Variants in BRAT1 observed in about 807,000 individuals in gnomAD.
BRAT1 encodes integrator complex assembly factor BRAT1.
Under a neutral mutation model 70.6 loss-of-function variants are expected in BRAT1, and 74 were observed. That is an observed-to-expected ratio of 1.05 (90% CI 0.87 to 1.27). The LOEUF (loss-of-function observed/expected upper bound fraction) is 1.27, where lower values mean the gene tolerates loss of function less well. Among genes scored for constraint, BRAT1 ranks in the 50% most tolerant of loss-of-function variants. The probability of loss-of-function intolerance (pLI) is 0.00; values close to 1 mark genes in which losing one functional copy is unlikely to be tolerated. For synonymous variants in BRAT1, 615 were observed against 517.1 expected (o/e 1.19, Z -2.57); for missense variants, 1,203 against 1,098.2 (o/e 1.10, Z -1.35).
intron 2 of BRAT1, 92 bp downstream of exon 2, chr7:2,554,213 G>C: frequency 6.5e-7 from 1 of 1,527,538 alleles, no homozygotes; most frequent in Non-Finnish European, 8.9e-7. Context: ...CTTCCTCCAG[G>C]ACAGGGGAGT....
chr7:2,551,282 G>A (rs142520696), intron 2 of BRAT1, among the ~76,000 whole-genome samples: 53 of 149,078 alleles, frequency 3.6e-4, no homozygotes, highest in African/African-American at 1.1e-3. Flanking sequence ...TCTATATATA[G>A]ATATATATAT....
chr7:2,545,155 G>A, intron 3 of BRAT1, 99 bp from the exon 4 acceptor site: 1 of 1,321,850 alleles, frequency 7.6e-7, no homozygotes, highest in East Asian at 2.8e-5. Context: ...CACGAGGTCA[G>A]GAGTTCGAGA....
intron 13 of BRAT1, 48 bp downstream of exon 13, chr7:2,539,131 A>G: frequency 6.4e-7 from 1 of 1,556,586 alleles, no homozygotes; most frequent in South Asian, 1.2e-5. Context: ...ACGAGCACAC[A>G]CGATGGCCAG....
Position 2,543,786 on chromosome 7 carries a change from C to T in BRAT1, c.607G>A (p.Glu203Lys). ...ACAQKIMDHVEESLCSAATPK... is the reference protein window; with the variant it reads ...ACAQKIMDHVKESLCSAATPK... ...GTGGCCGCGGAGCACAAGGACTCTT[C>T]AACGTGATCCATGATCTTCTGGGCA... is the stretch of plus-strand genomic sequence containing the variant. Residue 203 changes from glutamate to lysine, a missense_variant, in exon 5 of 14, where the codon GAA becomes AAA. By Grantham distance (56) the Glu-to-Lys change is moderately conservative. Coordinates refer to ENST00000340611, the MANE Select transcript of BRAT1 (RefSeq NM_152743.4). The surrounding 1 kb of genome is among the most constrained non-coding windows in gnomAD (Gnocchi z 5.5). The T allele has an allele frequency of 6.2e-7, 1 of 1,612,798 alleles. No homozygotes were observed. Among genetic ancestry groups the T allele is most frequent in the South Asian group, 1.1e-5 (1 of 91,016 alleles).
rs1446113663 is a variant in BRAT1 at position 2,542,124 on chromosome 7, G to A, written c.1011C>T (p.Pro337=). ...VLKATVQAPG[P]PGLLDGTADD... Reference sequence around the variant, plus strand: ...AGCCCTTTCTAAGCAGCACACCTGGGGGTCCGGGGGCCTGAACCGTGGCCT... The same window carrying A: ...AGCCCTTTCTAAGCAGCACACCTGGAGGTCCGGGGGCCTGAACCGTGGCCT... The change falls in exon 7 of 14, where the codon CCC becomes CCT. Residue 337 remains proline (P), a synonymous_variant. Coordinates refer to ENST00000340611, the MANE Select transcript of BRAT1 (RefSeq NM_152743.4). The A allele has an allele frequency of 3.2e-6, 5 of 1,546,664 alleles. No individual in the cohort carries two copies. Among genetic ancestry groups the A allele is most frequent in the Non-Finnish European group, 4.4e-6 (5 of 1,146,866 alleles).
At position 2,539,504 on chromosome 7, in the gene BRAT1, AC is replaced by A. The variant is rs754345213; in HGVS notation, c.1597+39del. ...TGCACCCTGGCTCAGTGAGCCCCCCACAGGCGGGGAAGGCAGCCCCTCCACC... is the reference window on the plus strand; with the variant it reads ...TGCACCCTGGCTCAGTGAGCCCCCCAAGGCGGGGAAGGCAGCCCCTCCACC... On this transcript the variant is annotated intron_variant, in intron 12 of 13. Coordinates refer to ENST00000340611, the MANE Select transcript of BRAT1 (RefSeq NM_152743.4). 3.0e-5 allele frequency: 45 copies of A among 1,520,418 alleles called. 1 individual carries two copies. The East Asian group carries it at 9.1e-4, about 31-fold the overall frequency. The allele number at this position is 1,520,418 out of a possible 1,614,324, so 94.2% of individuals were successfully genotyped here.
intron 2 of BRAT1, among the ~76,000 whole-genome samples, chr7:2,550,011 A>C (rs1779882348): frequency 6.6e-6 from 1 of 151,980 alleles, no homozygotes; most frequent in East Asian, 1.9e-4. Context: ...AAAATACAAA[A>C]AATTAGCTGG....
chr7:2,542,489 G>C, intron 6 of BRAT1: 1 of 423,062 alleles, frequency 2.4e-6, no homozygotes. Context: ...GAGAGGGGCA[G>C]TGCCCGCTCA....
At chr7:2,553,982 G>A (rs1780226455) in intron 2 of BRAT1, among the ~76,000 whole-genome samples, 1 of 152,126 alleles carries the variant, frequency 6.6e-6, no homozygotes. Context: ...CAAATCTGAT[G>A]TCTTAAACAC....
At chr7:2,541,579 T>C (rs1230456211) in intron 8 of BRAT1, 95 bp from the exon 9 acceptor site, 1 of 1,457,906 alleles carries the variant, frequency 6.9e-7, no homozygotes, top group Non-Finnish European at 9.2e-7. Context: ...GCGGGGGACA[T>C]CAGCCAAGGT....
At position 2,541,455 on chromosome 7, in the gene BRAT1, C is replaced by T. The variant is rs201141165; in HGVS notation, c.1164G>A (p.Ala388=). The T allele has an allele frequency of 6.5e-5, 101 of 1,560,466 alleles. No homozygotes were observed. The highest frequency in any genetic ancestry group is 2.1e-4 in the Admixed American group (11 of 51,290). ...LPQRPSPWPQ[A]SLLGATVTVL... is the part of the protein sequence containing the mutation. Reference sequence around the variant, plus strand: ...CAGTCACTGTAGCCCCCAGTAGAGACGCCTGGGGCCACGGTGAAGGGCGCT... The same window carrying T: ...CAGTCACTGTAGCCCCCAGTAGAGATGCCTGGGGCCACGGTGAAGGGCGCT... Residue 388 remains alanine (A), a synonymous_variant, in exon 9 of 14, where the codon GCG becomes GCA. Transcript: ENST00000340611.
At chr7:2,547,529 C>A (rs778225557) in intron 2 of BRAT1, 51 bp from the exon 3 acceptor site, 3 of 1,582,382 alleles carry the variant, frequency 1.9e-6, no homozygotes, top group Admixed American at 1.7e-5. Context: ...CACCAGGTGT[C>A]CCCCTGGATG....
chr7:2,539,915 G>A, intron 10 of BRAT1, 27 bp from the exon 11 acceptor site: 1 of 1,455,288 alleles, frequency 6.9e-7, no homozygotes, highest in African/African-American at 1.4e-5. Context: ...GGGCTGCAGG[G>A]CCACGGGAGA....
chr7:2,551,580 A>G (rs1780008056), intron 2 of BRAT1, among the ~76,000 whole-genome samples: 1 of 151,222 alleles, frequency 6.6e-6, no homozygotes, highest in African/African-American at 2.4e-5. Context: ...CAGGAACTCA[A>G]GAGAATGAGG....
intron 2 of BRAT1, among the ~76,000 whole-genome samples, chr7:2,551,768 T>C (rs891738051): frequency 2.0e-5 from 3 of 150,894 alleles, no homozygotes; most frequent in Non-Finnish European, 4.4e-5. Flanking sequence ...CAAAATCATA[T>C]AGTGAAATCT....
In BRAT1 at chr7:2,537,970, A is replaced by C; in HGVS notation, c.*99T>G. On this transcript the variant is annotated 3_prime_UTR_variant, in exon 14 of 14. Transcript: ENST00000340611. ...TGGTCCTGGCTTCCCCAGAGGATCC[A>C]CCGGGCTGGGCTGGAGCCCTGGGGC... 1 of 1,406,210 alleles carries C rather than the reference A, an allele frequency of 7.1e-7. No individual in the cohort carries two copies. The highest frequency in any genetic ancestry group is 2.4e-4 in the Middle Eastern group (1 of 4,166). The allele number at this position is 1,406,210 out of a possible 1,614,324, so 87.1% of individuals were successfully genotyped here.
chr7:2,541,344 G>T lies in BRAT1; in HGVS notation c.1275C>A (p.Val425=). ...LCGTLAGCVR[V]QRAALDFLGT... Reference sequence around the variant, plus strand: ...CCAGGAAGTCGAGGGCTGCTCGCTGGACCCGGACGCAGCCCGCCAGGGTCC... The same window carrying T: ...CCAGGAAGTCGAGGGCTGCTCGCTGTACCCGGACGCAGCCCGCCAGGGTCC... Residue 425 remains valine (V), a synonymous_variant, in exon 9 of 14, where the codon GTC becomes GTA. Coordinates refer to ENST00000340611, the MANE Select transcript of BRAT1 (RefSeq NM_152743.4). The T allele has an allele frequency of 6.2e-7, 1 of 1,605,202 alleles. No homozygotes were observed. The highest frequency in any genetic ancestry group is 1.3e-5 in the African/African-American group (1 of 75,012).
At chr7:2,541,901 C>T (rs1779201137) in intron 7 of BRAT1, 65 bp from the exon 8 acceptor site, 1 of 1,540,052 alleles carries the variant, frequency 6.5e-7, no homozygotes, top group Non-Finnish European at 8.9e-7. Flanking sequence ...TCACCAGCCA[C>T]CCCACGGTCA....
At chr7:2,547,077 TGG>T (rs1779669648) in intron 3 of BRAT1, among the ~76,000 whole-genome samples, 1 of 150,602 alleles carries the variant, frequency 6.6e-6, no homozygotes, top group Non-Finnish European at 1.5e-5. Context: ...TGGTCAGAGC[TGG>T]GAGCCCGTGC....
Sources: gnomAD v4.1 joint callset for allele counts (sites outside exome capture counted in the v4.1 genomes callset) on GRCh38, gnomAD v4.1.1 for gene constraint, Gnocchi (gnomAD v3.1) non-coding constraint, MANE v1.5 for transcripts, NCBI Gene and HGNC (gene_info 2026-07-23, HGNC 2026-07-21) for gene names.